The following ABCB1 variants were observed in gnomAD, a reference collection of about 807,000 sequenced individuals.
ABCB1 encodes ATP binding cassette subfamily B member 1, also known as ATP-dependent translocase ABCB1.
Under a neutral mutation model 142.0 loss-of-function variants are expected in ABCB1, and 69 were observed. That is an observed-to-expected ratio of 0.49 (90% CI 0.40 to 0.59). The LOEUF (loss-of-function observed/expected upper bound fraction) is 0.59. Ranked by LOEUF, ABCB1 falls within the 20% of genes least tolerant of loss-of-function variation. ABCB1 has a pLI of 0.00. For missense variants in ABCB1, 1,326 were observed against 1,554.7 expected (o/e 0.85, Z 2.47); for synonymous variants, 532 against 539.2 (o/e 0.99, Z 0.18).
chr7:87,529,965 TG>T (rs1389820540), intron 21 of ABCB1, among the ~76,000 whole-genome samples: 4 of 152,224 alleles, frequency 2.6e-5, no homozygotes, highest in Non-Finnish European at 5.9e-5. Context: ...GCATGAGGTT[TG>T]TCCCCTACAG....
chr7:87,655,851 A>G (rs758332374), intron 1 of ABCB1, among the ~76,000 whole-genome samples: 1 of 152,124 alleles, frequency 6.6e-6, no homozygotes, highest in South Asian at 2.1e-4. Context: ...TCATAAGGGC[A>G]GAGCCCTCAT....
intron 1 of ABCB1, among the ~76,000 whole-genome samples, chr7:87,690,928 T>C (rs192590672): frequency 1.3e-3 from 196 of 152,170 alleles, no homozygotes; most frequent in African/African-American, 4.5e-3. Flanking sequence ...GAAAAAAATA[T>C]ATATGCAGAG....
Position 87,520,770 on chromosome 7 carries a change from T to C in ABCB1, c.2786+6A>G, listed in dbSNP as rs186263186. The C allele has an allele frequency of 1.2e-6, 2 of 1,609,680 alleles. No homozygotes were observed. Among genetic ancestry groups the C allele is most frequent in the Admixed American group, 1.7e-5 (1 of 59,996 alleles). On this transcript the variant is annotated splice_donor_region_variant and intron_variant, in intron 22 of 27. Transcript: ENST00000622132. Reference sequence around the variant, plus strand: ...CACTCTCCTCCCACTCTTCAGCGGTTATTACCTGTATGGTACCTGCAAACT... The same window carrying C: ...CACTCTCCTCCCACTCTTCAGCGGTCATTACCTGTATGGTACCTGCAAACT...
At chr7:87,522,095 G>C in intron 21 of ABCB1, 1 of 1,251,238 alleles carries the variant, frequency 8.0e-7, no homozygotes, top group Non-Finnish European at 1.2e-6. Flanking sequence ...AGTTTCGGTG[G>C]GAATGACAAC....
intron 20 of ABCB1, among the ~76,000 whole-genome samples, chr7:87,535,656 T>C (rs1702635070): frequency 6.6e-6 from 1 of 152,210 alleles, no homozygotes; most frequent in Non-Finnish European, 1.5e-5. Flanking sequence ...TATTTCAACG[T>C]TATAACTCTA....
At position 87,515,259 on chromosome 7, in the gene ABCB1, C is replaced by T. The variant is rs201765972; in HGVS notation, c.3254G>A (p.Arg1085Gln). The T allele has an allele frequency of 1.5e-5, 25 of 1,613,994 alleles. No individual in the cohort carries two copies. Among genetic ancestry groups the T allele is most frequent in the Non-Finnish European group, 2.1e-5 (25 of 1,180,014 alleles). ...GKSTVVQLLE[R>Q]FYDPLAGKVL... is the part of the protein sequence containing the mutation. ...TTTCCCTGCCAAGGGGTCGTAGAAC[C>T]GCTCCAGGAGCTGGACCACTGTGCT... Residue 1085 changes from arginine (R) to glutamine (Q), a missense_variant, in exon 25 of 28, where the codon CGG becomes CAG. By Grantham distance (43) the Arg-to-Gln change is conservative. Transcript: ENST00000622132.
intron 26 of ABCB1, among the ~76,000 whole-genome samples, chr7:87,507,995 AG>A (rs11304553): frequency 0.23 from 34,537 of 151,454 alleles, 4,143 homozygotes; most frequent in Admixed American, 0.3. Context: ...TAGGGAGGGA[AG>A]GGGGGTAAGT....
intron 4 of ABCB1, among the ~76,000 whole-genome samples, chr7:87,576,121 G>A (rs557513636): frequency 1.3e-5 from 2 of 151,566 alleles, no homozygotes; most frequent in Admixed American, 1.3e-4. Flanking sequence ...AATTTCTTAA[G>A]CACCTAGAAT....
rs1463378119 is a variant in ABCB1 at position 87,600,187 on chromosome 7, C to A, written c.-3G>T. On this transcript the variant is annotated 5_prime_UTR_variant, in exon 2 of 28. Transcript: ENST00000622132. ...TTGCGGTCCCCTTCAAGATCCATTC[C>A]GACCTGAAGAGAAACCGCAGCTCAT... The A allele has an allele frequency of 1.9e-6, 3 of 1,613,738 alleles. No individual in the cohort carries two copies. Among genetic ancestry groups the A allele is most frequent in the Non-Finnish European group, 2.5e-6 (3 of 1,179,798 alleles).
chr7:87,513,126 T>C (rs1330321096), intron 25 of ABCB1, among the ~76,000 whole-genome samples: 2 of 152,232 alleles, frequency 1.3e-5, no homozygotes, highest in African/African-American at 2.4e-5. Flanking sequence ...AGCCAGATTC[T>C]AGTCTCGTGT....
chr7:87,699,986 A>G (rs1462489114), intron 1 of ABCB1, among the ~76,000 whole-genome samples: 8 of 152,116 alleles, frequency 5.3e-5, no homozygotes, highest in African/African-American at 1.9e-4. Flanking sequence ...AGGAGAAAAG[A>G]ATTATGGTGG....
At chr7:87,709,228 T>G in intron 1 of ABCB1, 1 of 984,768 alleles carries the variant, frequency 1.0e-6, no homozygotes, top group Non-Finnish European at 1.2e-6. Flanking sequence ...ACATTTCTTA[T>G]CTAGTAACAG....
In ABCB1 at chr7:87,600,162, T is replaced by G. The variant is rs1373721748; in HGVS notation, c.23A>C (p.Asn8Thr). ...AAAGTTCTTCTTCTTTGCTCCTCCA[T>G]TGCGGTCCCCTTCAAGATCCATTCC... is the stretch of plus-strand genomic sequence containing the variant. Reference protein sequence around the residue: MDLEGDRNGGAKKKNFFK... With the variant: MDLEGDRTGGAKKKNFFK... Residue 8 changes from asparagine (N) to threonine (T), a missense_variant, in exon 2 of 28, where the codon AAT (asparagine) becomes ACT (threonine). Transcript: ENST00000622132. The G allele has an allele frequency of 5.0e-6, 8 of 1,614,146 alleles. No homozygotes were observed. In the Admixed American group the frequency reaches 5.0e-5, roughly 10 times the overall value.
chr7:87,682,503 A>G (rs1827025142), intron 1 of ABCB1, among the ~76,000 whole-genome samples: 1 of 152,218 alleles, frequency 6.6e-6, no homozygotes, highest in Admixed American at 6.5e-5. Context: ...TCCCTGGGCT[A>G]CAGATTGGAT....
intron 1 of ABCB1, among the ~76,000 whole-genome samples, chr7:87,669,893 G>T (rs140939780): frequency 1.3e-5 from 2 of 152,214 alleles, no homozygotes; most frequent in Non-Finnish European, 2.9e-5. Flanking sequence ...CTCTCTAGCT[G>T]CCTTTAAAAG....
chr7:87,536,301 A>G (rs1270944921), intron 20 of ABCB1, among the ~76,000 whole-genome samples, 157 bp downstream of exon 20: 1 of 152,250 alleles, frequency 6.6e-6, no homozygotes, highest in Non-Finnish European at 1.5e-5. Flanking sequence ...AATAGTTAAC[A>G]TGTTGCTACA....
chr7:87,610,700 CT>C (rs2130051549), intron 1 of ABCB1, among the ~76,000 whole-genome samples: 2 of 152,274 alleles, frequency 1.3e-5, no homozygotes, highest in African/African-American at 4.8e-5. Context: ...ATCTTTGTTA[CT>C]GTTTAAGACA....
intron 1 of ABCB1, among the ~76,000 whole-genome samples, chr7:87,634,944 T>C (rs1174537777): frequency 6.6e-6 from 1 of 152,044 alleles, no homozygotes. Flanking sequence ...AGTCCTAGAG[T>C]AGACATTTCA....
intron 21 of ABCB1, chr7:87,522,075 T>C: frequency 3.4e-6 from 4 of 1,162,890 alleles, no homozygotes; most frequent in Non-Finnish European, 2.6e-6. Context: ...TTGGTGGTGG[T>C]CGTGGAGGTA....
Sources: allele counts gnomAD v4.1 joint callset (sites outside exome capture counted in the v4.1 genomes callset), GRCh38; gene constraint gnomAD v4.1.1; transcripts MANE v1.5; gene names NCBI Gene and HGNC (gene_info 2026-07-23, HGNC 2026-07-21).